Variants in ZNF891 observed in about 807,000 individuals in gnomAD.
ZNF891 encodes the protein hCG1646157.
For missense variants in ZNF891, 589 were observed against 632.7 expected (o/e 0.93, Z 0.74); for synonymous variants, 199 against 209.0 (o/e 0.95, Z 0.41).
chr12:133,116,286 A>C lies in ZNF891; in HGVS notation c.*3998T>G, dbSNP rs908112162. The C allele has an allele frequency of 2.0e-5, 3 of 152,174 alleles. No homozygotes were observed. The highest frequency in any genetic ancestry group is 1.3e-4 in the Admixed American group (2 of 15,260). The allele number at this position is 152,174 out of a possible 1,614,324, so 9.4% of individuals were successfully genotyped here. Reference sequence around the variant, plus strand: ...CACTTGGCTAATTTTTTGTATTTTTAGTAGAGACGAGGTTTCATCATGTTA... The same window carrying C: ...CACTTGGCTAATTTTTTGTATTTTTCGTAGAGACGAGGTTTCATCATGTTA... On this transcript the variant is annotated 3_prime_UTR_variant, in exon 2 of 2. Transcript: ENST00000537226.
rs138913821 is a variant in ZNF891 at position 133,121,843 on chromosome 12, C to T, written c.76G>A (p.Glu26Lys). 5.5e-5 allele frequency: 84 copies of T among 1,536,592 alleles called. 1 individual carries two copies. In the Middle Eastern group the frequency reaches 8.3e-4, roughly 15 times the overall value. The change falls in exon 2 of 2, where the codon GAA (glutamate) becomes AAA (lysine). Residue 26 changes from glutamate (E) to lysine (K), a missense_variant. By Grantham distance (56) the Glu-to-Lys change is moderately conservative. Transcript: ENST00000537226. ...DSACFHLRNA[E>K]EERMIAVFLT... ...AATACAGCAATCATCCTTTCCTCTT[C>T]AGCATTTCTCAGATGGAAACAGGCA... is the stretch of plus-strand genomic sequence containing the variant.
rs1017828325 is a variant in ZNF891, at chr12:133,115,088, T to C, written c.*5196A>G. On this transcript the variant is annotated 3_prime_UTR_variant, in exon 2 of 2. Transcript: ENST00000537226. ...TGAAATAGAACTACATGCACTGACA[T>C]GGAAAGATGTTTAAAAAGATGTTGG... 4 of 152,042 alleles carry C rather than the reference T, an allele frequency of 2.6e-5. No homozygotes were observed. Among genetic ancestry groups the C allele is most frequent in the African/African-American group, 9.7e-5 (4 of 41,400 alleles). 9.4% of individuals were successfully genotyped at this position (152,042 alleles called of 1,614,324 possible).
chr12:133,110,608 T>C lies in ZNF891; in HGVS notation c.*9676A>G, dbSNP rs1955676456. 1 of 152,200 alleles carries C rather than the reference T, an allele frequency of 6.6e-6. No individual in the cohort carries two copies. Among genetic ancestry groups the C allele is most frequent in the Admixed American group, 6.5e-5 (1 of 15,276 alleles). 9.4% of individuals were successfully genotyped at this position (152,200 alleles called of 1,614,324 possible). ...ATAGGTAAAGCTGGGTTAACTTTTG[T>C]TGCTGTGATGTGCCCAAAAGAATTT... On this transcript the variant is annotated 3_prime_UTR_variant, in exon 2 of 2. Transcript: ENST00000537226.
rs1011481 is a variant in ZNF891 at position 133,125,140 on chromosome 12, C to T, written c.-106-3116G>A. ...TGAATTTTAAAAATTCACGAGAAAA[C>T]GGAAAAATCTGAACACTGCCTATAC... On this transcript the variant is annotated intron_variant, in intron 1 of 1. Transcript: ENST00000537226. Among the ~76,000 whole-genome samples the T allele has an allele frequency of 8.8e-3, 1,331 of 152,070 alleles. 60 individuals carry two copies. Among genetic ancestry groups the T allele is most frequent in the Admixed American group, 0.078 (1,184 of 15,264 alleles).
chr12:133,121,958 C>G lies in ZNF891; in HGVS notation c.-40G>C. 6 of 1,467,160 alleles carry G rather than the reference C, an allele frequency of 4.1e-6. No individual in the cohort carries two copies. Among genetic ancestry groups the G allele is most frequent in the Non-Finnish European group, 5.4e-6 (6 of 1,111,552 alleles). 90.9% of individuals were successfully genotyped at this position (1,467,160 alleles called of 1,614,324 possible). A position where few individuals can be genotyped will look rare whatever the true frequency, so the allele number is the denominator to read the frequency against. ...AGCCTGCACAGTAGAGTAGAGAGAT[C>G]AGGATGTTTCTGTTCTTGTGTCTCC... On this transcript the variant is annotated 5_prime_UTR_variant, in exon 2 of 2. The change abolishes the stop of an existing upstream ORF in the 5' untranslated region. Coordinates refer to ENST00000537226, the MANE Select transcript of ZNF891 (RefSeq NM_001277291.2).
chr12:133,128,578 G>C (rs1955840602), intron 1 of ZNF891, among the ~76,000 whole-genome samples: 1 of 152,220 alleles, frequency 6.6e-6, no homozygotes, highest in Non-Finnish European at 1.5e-5. Context: ...AAGTTGCAGT[G>C]AGCAGAGATC....
At chr12:133,126,878 A>G (rs1955823033) in intron 1 of ZNF891, among the ~76,000 whole-genome samples, 1 of 152,090 alleles carries the variant, frequency 6.6e-6, no homozygotes, top group Non-Finnish European at 1.5e-5. Context: ...AAATAAAAAA[A>G]GACCACTATA....
At chr12:133,128,797 A>G (rs1955844491) in intron 1 of ZNF891, among the ~76,000 whole-genome samples, 1 of 151,706 alleles carries the variant, frequency 6.6e-6, no homozygotes, top group African/African-American at 2.4e-5. Flanking sequence ...GTCTCGAAAA[A>G]AAAAAAAAAG....
rs761348600 is a variant in ZNF891, at chr12:133,120,574, C to T, written c.1345G>A (p.Val449Ile). The change falls in exon 2 of 2, where the codon GTT becomes ATT. Residue 449 changes from valine (V) to isoleucine (I), a missense_variant. Val to Ile is a conservative substitution (Grantham distance 29). Coordinates refer to ENST00000537226, the MANE Select transcript of ZNF891 (RefSeq NM_001277291.2). ...TCTCCGGTATGAATTTTCTTATGAA[C>T]TTTAAGGTGAGAGCTCGTGTTGAAG... ...KAFNTSSHLKVHKKIHTGENV... is the reference protein window; with the variant it reads ...KAFNTSSHLKIHKKIHTGENV... 9.0e-6 allele frequency: 14 copies of T among 1,559,204 alleles called. No individual in the cohort carries two copies. The highest frequency in any genetic ancestry group is 1.4e-5 in the African/African-American group (1 of 73,226).
In ZNF891 at chr12:133,128,657, C is replaced by G. The variant is rs1955842327; in HGVS notation, c.-107+1570G>C. Among the ~76,000 whole-genome samples the G allele has an allele frequency of 2.0e-5, 3 of 151,714 alleles. No homozygotes were observed. The East Asian group carries it at 5.8e-4, about 29-fold the overall frequency. On this transcript the variant is annotated intron_variant, in intron 1 of 1. Coordinates refer to ENST00000537226, the MANE Select transcript of ZNF891 (RefSeq NM_001277291.2). ...TCAAAAACAAACAAACAAACAAAAA[C>G]AAAAATTAGCTGGATTAGCCGGGCG... is the stretch of plus-strand genomic sequence containing the variant.
At position 133,120,349 on chromosome 12, in the gene ZNF891, CT is replaced by C; in HGVS notation, c.1569del (p.Ala524ProfsTer52). 6.3e-7 allele frequency: 1 copy of C among 1,580,188 alleles called. No individual in the cohort carries two copies. ...EKPYECIQCG[K>X]AFSQSSSLII... Reference sequence around the variant, plus strand: ...ATAAGTGAAGAGCTCTGACTGAAGGCTTTTCCACATTGAATACATTCATAGG... The same window carrying C: ...ATAAGTGAAGAGCTCTGACTGAAGGCTTTCCACATTGAATACATTCATAGG... On this transcript the variant is annotated frameshift_variant, in exon 2 of 2. Coordinates refer to ENST00000537226, the MANE Select transcript of ZNF891 (RefSeq NM_001277291.2). LOFTEE classifies it low-confidence loss of function (END_TRUNC).
At position 133,120,619 on chromosome 12, in the gene ZNF891, A is replaced by T; in HGVS notation, c.1300T>A (p.Cys434Ser). Residue 434 changes from cysteine (C) to serine (S), a missense_variant, in exon 2 of 2, where the codon TGC (cysteine) becomes AGC (serine). Physicochemically the swap from Cys to Ser is moderately radical, Grantham distance 112 (BLOSUM62 -1). Coordinates refer to ENST00000537226, the MANE Select transcript of ZNF891 (RefSeq NM_001277291.2). Reference sequence around the variant, plus strand: ...TTGAAGGCTTTTCCACACTCACTGCATTCATAGAGTTTTTCTCCAGTGTGT... The same window carrying T: ...TTGAAGGCTTTTCCACACTCACTGCTTTCATAGAGTTTTTCTCCAGTGTGT... ...RIHTGEKLYE[C>S]SECGKAFNTS... 2 of 1,560,604 alleles carry T rather than the reference A, an allele frequency of 1.3e-6. No individual in the cohort carries two copies. Among genetic ancestry groups the T allele is most frequent in the Non-Finnish European group, 1.7e-6 (2 of 1,153,608 alleles).
intron 1 of ZNF891, chr12:133,125,583 CA>C (rs980812374): frequency 1.8e-3 from 392 of 215,740 alleles, no homozygotes; most frequent in Middle Eastern, 3.8e-3. Flanking sequence ...TTCACAGCAA[CA>C]AAAAAAAAGA....
chr12:133,128,792 G>GA (rs74873248), intron 1 of ZNF891, among the ~76,000 whole-genome samples: 113 of 104,668 alleles, frequency 1.1e-3, no homozygotes, highest in African/African-American at 2.2e-3. Context: ...ACTCTGTCTC[G>GA]AAAAAAAAAA....
intron 1 of ZNF891, among the ~76,000 whole-genome samples, chr12:133,122,627 A>G (rs534249195): frequency 1.5e-4 from 23 of 152,336 alleles, no homozygotes; most frequent in African/African-American, 5.5e-4. Context: ...ATTAGGAAAA[A>G]GAGCTAATGC....
At chr12:133,123,462 T>C (rs551712267) in intron 1 of ZNF891, among the ~76,000 whole-genome samples, 1 of 152,240 alleles carries the variant, frequency 6.6e-6, no homozygotes, top group Admixed American at 6.5e-5. Flanking sequence ...CAGGGGCTAA[T>C]GCCTGTAATC....
chr12:133,105,957 G>C lies in ZNF891; in HGVS notation c.*14327C>G, dbSNP rs1403105747. 4 of 1,613,988 alleles carry C rather than the reference G, an allele frequency of 2.5e-6. No homozygotes were observed. On this transcript the variant is annotated 3_prime_UTR_variant, in exon 2 of 2. Transcript: ENST00000537226. ...TGTAAGGACTGTAATAAAACATTCA[G>C]TTACCTTTCATTTCTTATTGAACAC...
Position 133,105,694 on chromosome 12 carries a change from AG to A in ZNF891, c.*14589del, listed in dbSNP as rs1162856073. On this transcript the variant is annotated 3_prime_UTR_variant, in exon 2 of 2. Transcript: ENST00000537226. ...AAGAAAATCAGGGATGTATTAGGAAAGTAACAGTCTCTCATCAAGAAGCCCT... is the reference window on the plus strand; with the variant it reads ...AAGAAAATCAGGGATGTATTAGGAAATAACAGTCTCTCATCAAGAAGCCCT... 6.2e-7 allele frequency: 1 copy of A among 1,614,086 alleles called. No individual in the cohort carries two copies. The highest frequency in any genetic ancestry group is 1.3e-5 in the African/African-American group (1 of 74,936).
Position 133,105,958 on chromosome 12 carries a change from T to G in ZNF891, c.*14326A>C. The G allele has an allele frequency of 6.2e-7, 1 of 1,614,098 alleles. No individual in the cohort carries two copies. The highest frequency in any genetic ancestry group is 1.1e-5 in the South Asian group (1 of 91,076). On this transcript the variant is annotated 3_prime_UTR_variant, in exon 2 of 2. Coordinates refer to ENST00000537226, the MANE Select transcript of ZNF891 (RefSeq NM_001277291.2). ...GTAAGGACTGTAATAAAACATTCAG[T>G]TACCTTTCATTTCTTATTGAACACC...
Sources: gnomAD v4.1 joint callset for allele counts (sites outside exome capture counted in the v4.1 genomes callset) on GRCh38, gnomAD v4.1.1 for gene constraint, MANE v1.5 for transcripts, NCBI Gene and HGNC (gene_info 2026-07-23, HGNC 2026-07-21) for gene names.